ABLIM2: variants seen among roughly 807,000 people sequenced by gnomAD.
The protein encoded by ABLIM2 is actin binding LIM protein family member 2.
ABLIM2 carries 53 observed loss-of-function variants against 97.7 expected under a neutral mutation model. The ratio of observed to expected loss-of-function variants is 0.54; its 90% confidence interval spans 0.44 to 0.68. The LOEUF (loss-of-function observed/expected upper bound fraction) is 0.68, where lower values mean the gene tolerates loss of function less well. Ranked by LOEUF, ABLIM2 falls within the 30% of genes least tolerant of loss-of-function variation. The pLI is 0.00. For synonymous variants in ABLIM2, 361 were observed against 345.8 expected, an observed-to-expected ratio of 1.04 and a Z score of -0.49; for missense variants, 835 against 867.2, an observed-to-expected ratio of 0.96 and a Z score of 0.47.
chr4:8,141,025 C>T (rs1037954709), intron 1 of ABLIM2, among the ~76,000 whole-genome samples: 1 of 152,082 alleles, frequency 6.6e-6, no homozygotes, highest in African/African-American at 2.4e-5. Flanking sequence ...CCCCTGTCTC[C>T]AGGCCCCTGA....
chr4:7,983,449 G>T, intron 19 of ABLIM2, 98 bp downstream of exon 19: 1 of 1,583,332 alleles, frequency 6.3e-7, no homozygotes, highest in South Asian at 1.1e-5. Flanking sequence ...GTCTGCACCT[G>T]ACACACACAT....
chr4:8,130,869 TG>T lies in ABLIM2; in HGVS notation c.11-24233del, dbSNP rs780981796. On this transcript the variant is annotated intron_variant, in intron 1 of 20. Coordinates refer to ENST00000447017, the MANE Select transcript of ABLIM2 (RefSeq NM_001130083.2). The surrounding 1 kb of genome is among the most constrained non-coding windows in gnomAD (Gnocchi z 4.2). ...TAGGGCAGGCTGTCCTTGCCTTGCC[TG>T]GCTGCTGGGGCGGCCTGCATTTCCT... Among the ~76,000 whole-genome samples, 3 of 152,098 alleles carry T rather than the reference TG, an allele frequency of 2.0e-5. No homozygotes were observed. The highest frequency in any genetic ancestry group is 2.9e-5 in the Non-Finnish European group (2 of 67,990).
Position 8,029,784 on chromosome 4 carries a change from G to A in ABLIM2, c.1048-8C>T, listed in dbSNP as rs751731372. 2 of 1,567,500 alleles carry A rather than the reference G, an allele frequency of 1.3e-6. No individual in the cohort carries two copies. Among genetic ancestry groups the A allele is most frequent in the Non-Finnish European group, 1.7e-6 (2 of 1,156,406 alleles). ...CCGGTCATCCTGATCCCCCTGGGAGGGAAGATGCAGCTTGTGAACACTGGA... is the reference window on the plus strand; with the variant it reads ...CCGGTCATCCTGATCCCCCTGGGAGAGAAGATGCAGCTTGTGAACACTGGA... On this transcript the variant is annotated splice_polypyrimidine_tract_variant and splice_region_variant and intron_variant, in intron 10 of 20. Coordinates refer to ENST00000447017, the MANE Select transcript of ABLIM2 (RefSeq NM_001130083.2).
rs1171166901 is a variant in ABLIM2, at chr4:8,082,064, T to A, written c.455-1262A>T. On this transcript the variant is annotated intron_variant, in intron 4 of 20. Transcript: ENST00000447017. The surrounding 1 kb of genome is among the most constrained non-coding windows in gnomAD (Gnocchi z 5.6). ...GTGTGTTTAAGGGTGTGGTTGTGTGTTGGGGGCATGACAAGGGAAGGGCCT... is the reference window on the plus strand; with the variant it reads ...GTGTGTTTAAGGGTGTGGTTGTGTGATGGGGGCATGACAAGGGAAGGGCCT... Among the ~76,000 whole-genome samples the A allele has an allele frequency of 6.6e-6, 1 of 152,118 alleles. No homozygotes were observed. Among genetic ancestry groups the A allele is most frequent in the African/African-American group, 2.4e-5 (1 of 41,428 alleles).
In ABLIM2 at chr4:8,082,988, A is replaced by G. The variant is rs1172278116; in HGVS notation, c.455-2186T>C. Among the ~76,000 whole-genome samples the G allele has an allele frequency of 6.6e-6, 1 of 152,142 alleles. No homozygotes were observed. Among genetic ancestry groups the G allele is most frequent in the Non-Finnish European group, 1.5e-5 (1 of 68,028 alleles). On this transcript the variant is annotated intron_variant, in intron 4 of 20. Transcript: ENST00000447017. The surrounding 1 kb of genome is among the most constrained non-coding windows in gnomAD (Gnocchi z 5.6). ...ACTTTTGCCCAAGAGACATTTGGCA[A>G]TGTCTGGCGACCCTTTTGATTGTCA... is the stretch of plus-strand genomic sequence containing the variant.
chr4:8,132,793 C>A lies in ABLIM2; in HGVS notation c.10+25887G>T, dbSNP rs1849614473. Among the ~76,000 whole-genome samples, 1 of 152,194 alleles carries A rather than the reference C, an allele frequency of 6.6e-6. No homozygotes were observed. Among genetic ancestry groups the A allele is most frequent in the Non-Finnish European group, 1.5e-5 (1 of 68,032 alleles). On this transcript the variant is annotated intron_variant, in intron 1 of 20. Transcript: ENST00000447017. This position sits in a 1 kb window ranked among gnomAD's most constrained non-coding sequence, Gnocchi z 8.0. ...GTTTCCTCATCTGTAAATGGGGATA[C>A]CACGGACTGGGCTGCAGGGAGACTA...
At chr4:7,967,378 T>G (rs1723731528) in intron 20 of ABLIM2, among the ~76,000 whole-genome samples, 1 of 152,216 alleles carries the variant, frequency 6.6e-6, no homozygotes, top group African/African-American at 2.4e-5. Context: ...TATCTGCTGC[T>G]GTGGACCAAG....
Position 8,022,960 on chromosome 4 carries a change from C to T in ABLIM2, c.1268-2657G>A, listed in dbSNP as rs1774843766. The T allele has an allele frequency of 6.4e-6, 1 of 155,432 alleles. No homozygotes were observed. Among genetic ancestry groups the T allele is most frequent in the Non-Finnish European group, 1.4e-5 (1 of 69,818 alleles). 9.6% of individuals were successfully genotyped at this position (155,432 alleles called of 1,614,324 possible). On this transcript the variant is annotated intron_variant, in intron 12 of 20. Coordinates refer to ENST00000447017, the MANE Select transcript of ABLIM2 (RefSeq NM_001130083.2). The surrounding 1 kb of genome is among the most constrained non-coding windows in gnomAD (Gnocchi z 7.8). ...TCCTCCTCCTCCTCTTCTTTTTCCTCTTCCTCCTCTGCCTCCTCTTCCTCT... is the reference window on the plus strand; with the variant it reads ...TCCTCCTCCTCCTCTTCTTTTTCCTTTTCCTCCTCTGCCTCCTCTTCCTCT...
In ABLIM2 at chr4:8,005,420, T is replaced by C. The variant is rs1334047494; in HGVS notation, c.1618+2639A>G. The stretch of plus-strand genomic sequence containing the variant: ...CTACCTTCCTTGGGCGCGCTACAGA[T>C]GGACGTCCCGGGGTGCAGGTGGCGT... On this transcript the variant is annotated intron_variant, in intron 16 of 20. Coordinates refer to ENST00000447017, the MANE Select transcript of ABLIM2 (RefSeq NM_001130083.2). The surrounding 1 kb of genome is among the most constrained non-coding windows in gnomAD (Gnocchi z 4.9). 1.9e-6 allele frequency: 1 copy of C among 533,508 alleles called. No homozygotes were observed. 33.0% of individuals were successfully genotyped at this position (533,508 alleles called of 1,614,324 possible). A position where few individuals can be genotyped will look rare whatever the true frequency, so the allele number is the denominator to read the frequency against.
intron 8 of ABLIM2, among the ~76,000 whole-genome samples, chr4:8,052,838 G>A (rs774718452): frequency 3.3e-5 from 5 of 152,238 alleles, no homozygotes; most frequent in African/African-American, 7.2e-5. Flanking sequence ...CAGACTTGCC[G>A]CTACAGGACA....
In ABLIM2 at chr4:8,046,310, C is replaced by A. The variant is rs1792377677; in HGVS notation, c.823-1069G>T. ...CCTCTGGCTGCACCTGCTGTCCCTC[C>A]CCACCTGCAGGGCAGGGGCCTCTCC... On this transcript the variant is annotated intron_variant, in intron 8 of 20. Transcript: ENST00000447017. This position sits in a 1 kb window ranked among gnomAD's most constrained non-coding sequence, Gnocchi z 4.4. Among the ~76,000 whole-genome samples the A allele has an allele frequency of 6.6e-6, 1 of 152,126 alleles. No individual in the cohort carries two copies. The highest frequency in any genetic ancestry group is 2.4e-5 in the African/African-American group (1 of 41,422).
chr4:8,025,281 G>T lies in ABLIM2; in HGVS notation c.1267+2478C>A, dbSNP rs139486510. On this transcript the variant is annotated intron_variant, in intron 12 of 20. Transcript: ENST00000447017. Reference sequence around the variant, plus strand: ...GCAGGCAATGTGGCCGGGGGAACCAGGGCAGAGATGGGCATCAAAGAGGCA... The same window carrying T: ...GCAGGCAATGTGGCCGGGGGAACCATGGCAGAGATGGGCATCAAAGAGGCA... Among the ~76,000 whole-genome samples, 366 of 152,322 alleles carry T rather than the reference G, an allele frequency of 2.4e-3. 1 individual carries two copies. Among genetic ancestry groups the T allele is most frequent in the Non-Finnish European group, 4.1e-3 (282 of 68,034 alleles).
intron 20 of ABLIM2, among the ~76,000 whole-genome samples, chr4:7,982,068 C>A (rs775952631): frequency 6.6e-6 from 1 of 152,094 alleles, no homozygotes; most frequent in Non-Finnish European, 1.5e-5. Context: ...TCAGCTGCAC[C>A]CATGCCCCTC....
chr4:8,093,568 C>T (rs1262250456), intron 3 of ABLIM2, among the ~76,000 whole-genome samples: 1 of 152,176 alleles, frequency 6.6e-6, no homozygotes, highest in Admixed American at 6.5e-5. Flanking sequence ...AATCTTATCA[C>T]CCACAAAAGA....
At chr4:8,088,323 C>T in intron 3 of ABLIM2, 39 bp from the exon 4 acceptor site, 2 of 1,560,996 alleles carry the variant, frequency 1.3e-6, no homozygotes, top group East Asian at 2.3e-5. Context: ...GGCCCACCTT[C>T]TGGCTCCTCT....
At chr4:8,151,607 G>A (rs990520561) in intron 1 of ABLIM2, among the ~76,000 whole-genome samples, 1 of 152,170 alleles carries the variant, frequency 6.6e-6, no homozygotes, top group African/African-American at 2.4e-5. Flanking sequence ...TGGCAGCCAG[G>A]CCTCACACCC....
chr4:8,100,545 G>A (rs776705850), intron 2 of ABLIM2, among the ~76,000 whole-genome samples: 20 of 152,054 alleles, frequency 1.3e-4, no homozygotes, highest in Admixed American at 2.6e-4. Context: ...TCAGGAGTTC[G>A]AGACTAGCCT....
At chr4:8,057,134 TG>T (rs1260562070) in intron 7 of ABLIM2, among the ~76,000 whole-genome samples, 1 of 149,910 alleles carries the variant, frequency 6.7e-6, no homozygotes, top group Non-Finnish European at 1.5e-5. Flanking sequence ...AGTCTCACTC[TG>T]TTGTCCAGGC....
Position 8,054,147 on chromosome 4 carries a change from C to A in ABLIM2, c.822+41G>T, listed in dbSNP as rs756923519. 1.1e-5 allele frequency: 17 copies of A among 1,600,014 alleles called. No homozygotes were observed. Among genetic ancestry groups the A allele is most frequent in the Non-Finnish European group, 1.5e-5 (17 of 1,167,168 alleles). On this transcript the variant is annotated intron_variant, in intron 8 of 20. Transcript: ENST00000447017. This position sits in a 1 kb window ranked among gnomAD's most constrained non-coding sequence, Gnocchi z 4.9. ...TAACTGTACAAAGATGGTGCAGGAG[C>A]AGTGAAGGGTACATCAGAGACACCA...
Sources: gnomAD v4.1 joint callset for allele counts (sites outside exome capture counted in the v4.1 genomes callset) on GRCh38, gnomAD v4.1.1 for gene constraint, Gnocchi (gnomAD v3.1) non-coding constraint, MANE v1.5 for transcripts, NCBI Gene and HGNC (gene_info 2026-07-23, HGNC 2026-07-21) for gene names.